The following MAP3K15 variants were observed in gnomAD, a reference collection of about 807,000 sequenced individuals.
The protein encoded by MAP3K15 is MAPK/ERK kinase kinase 15.
A neutral mutation model predicts 99.5 loss-of-function variants in MAP3K15; 124 were observed. That is an observed-to-expected ratio of 1.25 (90% confidence interval 1.08 to 1.45). The LOEUF is 1.45. MAP3K15 is among the 40% of genes most tolerant of loss of function. The pLI is 0.00. For missense variants in MAP3K15, 1,242 were observed against 1,079.7 expected (o/e 1.15, Z -2.11); for synonymous variants, 494 against 439.6 (o/e 1.12, Z -1.55).
chrX:19,369,911 G>GAA (rs1225091488), intron 24 of MAP3K15, among the ~76,000 whole-genome samples: 1 of 100,426 alleles, frequency 1.0e-5, no homozygotes, highest in Admixed American at 1.1e-4. Context: ...CTCTGTCTCA[G>GAA]AAAAAAAAAA....
At chrX:19,366,006 C>CAAAAAAAA (rs1172350617) in intron 25 of MAP3K15, among the ~76,000 whole-genome samples, 3 of 20,117 alleles carry the variant, frequency 1.5e-4, no homozygotes, top group African/African-American at 2.1e-4. Flanking sequence ...GCCTCCATCT[C>CAAAAAAAA]AAAAAAAAAA....
rs1250408471 is a variant in MAP3K15 at position 19,398,413 on chromosome X, C to T, written c.1933-54G>A. On this transcript the variant is annotated intron_variant, in intron 14 of 28. Transcript: ENST00000338883. ...AAGCATACAACTTGTAGCGGAGAAGCCCTCTAAGGCCCCCAGAGTTGTCTA... is the reference window on the plus strand; with the variant it reads ...AAGCATACAACTTGTAGCGGAGAAGTCCTCTAAGGCCCCCAGAGTTGTCTA... 3.5e-6 allele frequency: 4 copies of T among 1,145,026 alleles called. No homozygotes were observed. In the African/African-American group the frequency reaches 7.2e-5, roughly 21 times the overall value. The allele number at this position is 1,145,026 out of a possible 1,213,427, so 94.4% of individuals were successfully genotyped here.
chrX:19,429,542 T>C (rs1024019319), intron 7 of MAP3K15, among the ~76,000 whole-genome samples: 1 of 109,854 alleles, frequency 9.1e-6, no homozygotes, highest in African/African-American at 3.3e-5. Context: ...GAAGAGTAAA[T>C]GACTTCAGCC....
rs1222449411 is a variant in MAP3K15, at chrX:19,431,525, A to G, written c.1079T>C (p.Met360Thr). 7.5e-6 allele frequency: 9 copies of G among 1,198,137 alleles called. No homozygotes were observed. The highest frequency in any genetic ancestry group is 2.2e-5 in the Admixed American group (1 of 45,644). ...LQSCDHPGPD[M>T]FCLCGRIYKD... ...GTAGATCCTCCCACACAGGCAGAAC[A>G]TGTCGGGGCCCGGGTGATCACAGCT... is the stretch of plus-strand genomic sequence containing the variant. Residue 360 changes from methionine to threonine, a missense_variant, in exon 7 of 29, where the codon ATG (methionine) becomes ACG (threonine). Transcript: ENST00000338883.
At chrX:19,451,148 G>A (rs774436416) in intron 6 of MAP3K15, among the ~76,000 whole-genome samples, 2 of 107,525 alleles carry the variant, frequency 1.9e-5, no homozygotes, top group South Asian at 8.4e-4. Flanking sequence ...TAGCTGGCGT[G>A]GTGGTGGGTG....
intron 3 of MAP3K15, among the ~76,000 whole-genome samples, chrX:19,472,019 G>C (rs2064211000): frequency 9.0e-6 from 1 of 110,823 alleles, no homozygotes; most frequent in Admixed American, 9.6e-5. Context: ...CCAGGAGATT[G>C]AGACCATCCT....
chrX:19,407,359 CTATTT>C, intron 12 of MAP3K15, 76 bp from the exon 13 acceptor site: 2 of 541,050 alleles, frequency 3.7e-6, no homozygotes, highest in South Asian at 5.0e-5. Flanking sequence ...ATCTTTTCTT[CTATTT>C]TATCAATTCC....
chrX:19,407,284 C>T lies in MAP3K15; in HGVS notation c.1749-1G>A. On this transcript the variant is annotated splice_acceptor_variant, in intron 12 of 28. Coordinates refer to ENST00000338883, the MANE Select transcript of MAP3K15 (RefSeq NM_001001671.4). LOFTEE classifies it high-confidence loss of function. ...ACACCTTTCATCAAACTTTGATAGG[C>T]TGTAAAATTTCAAAGCATAATGTTT... 1.8e-6 allele frequency: 2 copies of T among 1,134,871 alleles called. No homozygotes were observed. The highest frequency in any genetic ancestry group is 2.4e-6 in the Non-Finnish European group (2 of 839,489). 93.5% of individuals were successfully genotyped at this position (1,134,871 alleles called of 1,213,427 possible).
At chrX:19,430,644 T>C (rs1339806294) in intron 7 of MAP3K15, among the ~76,000 whole-genome samples, 4 of 111,299 alleles carry the variant, frequency 3.6e-5, no homozygotes, top group Non-Finnish European at 3.8e-5. Context: ...ACCCTCCATT[T>C]GATGTTCCTT....
intron 6 of MAP3K15, 26 bp downstream of exon 6, chrX:19,456,887 A>G (rs1257155660): frequency 9.4e-7 from 1 of 1,067,336 alleles, no homozygotes; most frequent in African/African-American, 1.8e-5. Flanking sequence ...ATGTTTCAAA[A>G]CCTGTACGTA....
intron 19 of MAP3K15, among the ~76,000 whole-genome samples, chrX:19,378,197 A>G (rs980931282): frequency 2.7e-5 from 3 of 112,537 alleles, no homozygotes; most frequent in Non-Finnish European, 5.6e-5. Flanking sequence ...GCGTTCTATC[A>G]GGGCCGTGTC....
chrX:19,416,041 C>T lies in MAP3K15; in HGVS notation c.1440-784G>A, dbSNP rs138717929. 7.9e-3 allele frequency among the ~76,000 whole-genome samples: 882 copies of T among 111,866 alleles called. 8 individuals are homozygous for T. The highest frequency in any genetic ancestry group is 0.027 in the African/African-American group (836 of 30,800). ...TGTTGTAAGTATCTGCTTAAAACTCCACCATGTGGCCAGGTGCGGTGGCTC... is the reference window on the plus strand; with the variant it reads ...TGTTGTAAGTATCTGCTTAAAACTCTACCATGTGGCCAGGTGCGGTGGCTC... On this transcript the variant is annotated intron_variant, in intron 9 of 28. Transcript: ENST00000338883.
intron 25 of MAP3K15, among the ~76,000 whole-genome samples, chrX:19,364,212 C>G (rs1007412220): frequency 8.9e-6 from 1 of 112,067 alleles, no homozygotes; most frequent in Non-Finnish European, 1.9e-5. Context: ...AGGCTGGGCT[C>G]TTCCCAAGGG....
chrX:19,433,138 C>T (rs1421373393), intron 6 of MAP3K15, among the ~76,000 whole-genome samples: 1 of 111,590 alleles, frequency 9.0e-6, no homozygotes, highest in Admixed American at 9.6e-5. Flanking sequence ...ACAAAATTGG[C>T]CATGCAATGA....
In MAP3K15 at chrX:19,426,211, G is replaced by C. The variant is rs999836273; in HGVS notation, c.1279+20C>G. The stretch of plus-strand genomic sequence containing the variant: ...TTGTATAATCAAAGCAACAACATCT[G>C]CAATAATAAGCAGCTTTACCTATTT... On this transcript the variant is annotated intron_variant, in intron 8 of 28. Coordinates refer to ENST00000338883, the MANE Select transcript of MAP3K15 (RefSeq NM_001001671.4). 3.4e-6 allele frequency: 3 copies of C among 881,711 alleles called. No individual in the cohort carries two copies. The African/African-American group carries it at 6.1e-5, about 18-fold the overall frequency. The allele number at this position is 881,711 out of a possible 1,213,427, so 72.7% of individuals were successfully genotyped here.
rs757449532 is a variant in MAP3K15 at position 19,425,684 on chromosome X, C to A, written c.1286G>T (p.Arg429Leu). ...TSLELRKIGVRLNSLLGRKGS... is the reference protein window; with the variant it reads ...TSLELRKIGVLLNSLLGRKGS... ...TTTTCTTCCCAACAAACTGTTCAGC[C>A]GGACACCTTAAGAATTTGAATTTTT... The change falls in exon 9 of 29, where the codon CGG (arginine) becomes CTG (leucine). Residue 429 changes from arginine to leucine, a missense_variant. Transcript: ENST00000338883. 8.4e-7 allele frequency: 1 copy of A among 1,192,584 alleles called. No individual in the cohort carries two copies. The highest frequency in any genetic ancestry group is 1.1e-6 in the Non-Finnish European group (1 of 891,078).
At position 19,374,038 on chromosome X, in the gene MAP3K15, C is replaced by T. The variant is rs181550360; in HGVS notation, c.2774-343G>A. Among the ~76,000 whole-genome samples, 15 of 111,448 alleles carry T rather than the reference C, an allele frequency of 1.3e-4. No homozygotes were observed. In the East Asian group the frequency reaches 1.7e-3, roughly 13 times the overall value. ...AGAAGGTGTCACTGGACTTCGGTGG[C>T]CTGCAGGACAGCCACATCAGGCAAA... On this transcript the variant is annotated intron_variant, in intron 20 of 28. Coordinates refer to ENST00000338883, the MANE Select transcript of MAP3K15 (RefSeq NM_001001671.4).
intron 14 of MAP3K15, 47 bp downstream of exon 14, chrX:19,400,529 G>T: frequency 2.1e-6 from 2 of 958,749 alleles, no homozygotes; most frequent in South Asian, 2.1e-5. Flanking sequence ...TTGAAGCATC[G>T]AACACACAAT....
At chrX:19,513,010 A>C (rs978593454) in intron 1 of MAP3K15, among the ~76,000 whole-genome samples, 2 of 111,383 alleles carry the variant, frequency 1.8e-5, no homozygotes, top group Non-Finnish European at 3.8e-5. Flanking sequence ...CCAGGAACCC[A>C]CTTACTGTGT....
Sources: gnomAD v4.1 joint callset for allele counts (sites outside exome capture counted in the v4.1 genomes callset) on GRCh38, gnomAD v4.1.1 for gene constraint, MANE v1.5 for transcripts, NCBI Gene and HGNC (gene_info 2026-07-23, HGNC 2026-07-21) for gene names.